Variants in ATAD3B observed in about 807,000 individuals in gnomAD.
ATAD3B encodes the protein ATPase family AAA domain-containing protein 3B.
In ATAD3B, 59 loss-of-function variants were observed where a neutral mutation model predicts 70.2. The ratio of observed to expected loss-of-function variants is 0.84; its 90% confidence interval spans 0.68 to 1.04. The LOEUF (loss-of-function observed/expected upper bound fraction) is 1.04, where lower values mean the gene tolerates loss of function less well. Among genes scored for constraint, ATAD3B ranks in the 50% least tolerant of loss-of-function variants. ATAD3B has a pLI of 0.00. For missense variants in ATAD3B, 961 were observed against 913.4 expected (o/e 1.05, Z -0.67); for synonymous variants, 423 against 388.6 (o/e 1.09, Z -1.04).
Position 1,485,140 on chromosome 1 carries a change from C to T in ATAD3B, c.875C>T (p.Thr292Met), listed in dbSNP as rs147823512. The change falls in exon 8 of 16, where the codon ACG becomes ATG. Residue 292 changes from threonine (T) to methionine (M), a missense_variant. Around this residue, in one of 4 missense-constraint regions of ATAD3B, gnomAD observed 349 missense variants for 307.5 expected, o/e 1.14. Coordinates refer to ENST00000673477, the MANE Select transcript of ATAD3B (RefSeq NM_031921.6). ...CTAGTGAGGGAGACGTCCCGCATCA[C>T]GGTGCTGGAGGCGCTGCGGCACCCC... ...PSLVRETSRI[T>M]VLEALRHPIQ... is the part of the protein sequence containing the mutation. 1.5e-4 allele frequency: 243 copies of T among 1,610,500 alleles called. 1 individual carries two copies. In the African/African-American group the frequency reaches 2.7e-3, roughly 18 times the overall value.
intron 8 of ATAD3B, 100 bp from the exon 9 acceptor site, chr1:1,485,682 C>T (rs1640169412): frequency 6.5e-7 from 1 of 1,538,790 alleles, no homozygotes; most frequent in Non-Finnish European, 8.8e-7. Flanking sequence ...TGCTTTGGGG[C>T]AGCTCCGTTT....
chr1:1,490,604 C>A lies in ATAD3B; in HGVS notation c.1547C>A (p.Ser516Ter). ...CAGTTTGACTACGGGAGGAAGTGCT[C>A]GGAGGTCGCTCGGCTGACGGAGGGC... ...LAQFDYGRKC[S>*]EVARLTEGMS... The change falls in exon 15 of 16, where the codon TCG (serine) becomes TAG (stop). Residue 516 changes from serine (S) to a stop codon, truncating the protein, a stop_gained. Transcript: ENST00000673477. LOFTEE classifies it high-confidence loss of function. 2 of 1,608,828 alleles carry A rather than the reference C, an allele frequency of 1.2e-6. 1 individual carries two copies. The highest frequency in any genetic ancestry group is 1.7e-6 in the Non-Finnish European group (2 of 1,178,210).
At chr1:1,509,223 G>A in the ATAD3B span, 453 of 1,612,608 alleles carry the variant, frequency 2.8e-4, 6 homozygotes, top group African/African-American at 2.8e-3. Flanking sequence ...GTATGCCTCC[G>A]AGGACGGGGT....
chr1:1,486,684 A>G lies in ATAD3B; in HGVS notation c.1214+16A>G, dbSNP rs1170600500. On this transcript the variant is annotated intron_variant, in intron 11 of 15. Transcript: ENST00000673477. Reference sequence around the variant, plus strand: ...GCCGGCGCGGGTGAGACGTCCCCACAGCATGCACCAGGCCCTTGGCTGCGG... The same window carrying G: ...GCCGGCGCGGGTGAGACGTCCCCACGGCATGCACCAGGCCCTTGGCTGCGG... 1 of 1,582,116 alleles carries G rather than the reference A, an allele frequency of 6.3e-7. No homozygotes were observed. Among genetic ancestry groups the G allele is most frequent in the East Asian group, 2.2e-5 (1 of 44,452 alleles).
intron 6 of ATAD3B, 24 bp downstream of exon 6, chr1:1,482,327 C>A (rs755091306): frequency 6.4e-7 from 1 of 1,553,236 alleles, no homozygotes; most frequent in Non-Finnish European, 8.7e-7. Context: ...AGGCCCGGGC[C>A]GGCCACAGAT....
the ATAD3B span, among the ~76,000 whole-genome samples, chr1:1,508,271 C>T: frequency 1.3e-5 from 2 of 151,422 alleles, no homozygotes; most frequent in Non-Finnish European, 2.9e-5. Flanking sequence ...GTCAGTGTCT[C>T]CCCACACAGT....
the ATAD3B span, chr1:1,503,255 T>C: frequency 2.4e-5 from 6 of 249,594 alleles, no homozygotes; most frequent in Non-Finnish European, 3.2e-5. Context: ...AGCATATGTA[T>C]CATGATAAAA....
intron 15 of ATAD3B, 137 bp from the exon 16 acceptor site, chr1:1,495,348 G>A (rs2100604719): frequency 8.2e-7 from 1 of 1,225,846 alleles, no homozygotes; most frequent in Non-Finnish European, 1.1e-6. Context: ...CTCTGCCAAG[G>A]TGTGGGAAGC....
chr1:1,477,779 C>T (rs1214489219), intron 2 of ATAD3B, among the ~76,000 whole-genome samples: 1 of 151,736 alleles, frequency 6.6e-6, no homozygotes, highest in East Asian at 1.9e-4. Flanking sequence ...AATCTCGGCT[C>T]ACTGCAACCT....
the ATAD3B span, among the ~76,000 whole-genome samples, chr1:1,504,209 C>T: frequency 1.3e-5 from 2 of 151,818 alleles, no homozygotes; most frequent in Non-Finnish European, 2.9e-5. Context: ...TGGTCTTGAA[C>T]TCCTGACCTC....
In ATAD3B at chr1:1,479,460, C is replaced by CCA. The variant is rs1038801715; in HGVS notation, c.444+364_444+365dup. On this transcript the variant is annotated intron_variant, in intron 4 of 15. Coordinates refer to ENST00000673477, the MANE Select transcript of ATAD3B (RefSeq NM_031921.6). The stretch of plus-strand genomic sequence containing the variant: ...CCTGCACACATGGGGAAACATGGGC[C>CCA]CACACACACACACCCCTGTGCGCAC... Among the ~76,000 whole-genome samples, 2 of 140,226 alleles carry CCA rather than the reference C, an allele frequency of 1.4e-5. 1 individual carries two copies. The highest frequency in any genetic ancestry group is 1.5e-4 in the Admixed American group (2 of 13,788). 92.0% of individuals were successfully genotyped at this position (140,226 alleles called of 152,430 possible).
chr1:1,481,764 C>T (rs1639914318), intron 5 of ATAD3B, among the ~76,000 whole-genome samples: 1 of 151,480 alleles, frequency 6.6e-6, no homozygotes, highest in African/African-American at 2.4e-5. Flanking sequence ...GCCTCTGGGT[C>T]GGATTTCTGC....
the ATAD3B span, among the ~76,000 whole-genome samples, chr1:1,503,838 G>C: frequency 2.0e-5 from 3 of 152,124 alleles, no homozygotes; most frequent in Non-Finnish European, 2.9e-5. Context: ...GTGAGAGACA[G>C]TGCCGCAGAG....
At chr1:1,495,205 G>A (rs4012770) in intron 15 of ATAD3B, among the ~76,000 whole-genome samples, 24,855 of 151,876 alleles carry the variant, frequency 0.16, 4,496 homozygotes, top group East Asian at 0.46. Context: ...AAGCTGCCCT[G>A]GGTCAGCCGT....
chr1:1,473,134 CTTTTTTTTTTTT>C (rs569834397), intron 1 of ATAD3B, among the ~76,000 whole-genome samples: 2 of 84,374 alleles, frequency 2.4e-5, no homozygotes, highest in African/African-American at 6.0e-5. Context: ...GAAGGGATTC[CTTTTTTTTTTTT>C]TTTTTTTTTT....
the ATAD3B span, among the ~76,000 whole-genome samples, chr1:1,506,850 C>G: frequency 2.0e-5 from 3 of 148,870 alleles, no homozygotes; most frequent in Admixed American, 6.7e-5. Flanking sequence ...TGCAGTGGCA[C>G]AATCTCGGCT....
At position 1,472,051 on chromosome 1, in the gene ATAD3B, A is replaced by G. The variant is rs1639350957; in HGVS notation, c.167A>G (p.Glu56Gly). ...AGCAACTTCGACCCCACCGGCCTGG[A>G]GCGCGCCGCCAAGGCGGCGCGCGAG... is the stretch of plus-strand genomic sequence containing the variant. The part of the protein sequence containing the change: ...KWSNFDPTGL[E>G]RAAKAARELE... Residue 56 changes from glutamate (E) to glycine (G), a missense_variant, in exon 1 of 16, where the codon GAG becomes GGG. Physicochemically the swap from Glu to Gly is moderately conservative, Grantham distance 98 (BLOSUM62 -2). Around this residue, in one of 4 missense-constraint regions of ATAD3B, gnomAD observed 187 missense variants for 244.3 expected, o/e 0.77. Coordinates refer to ENST00000673477, the MANE Select transcript of ATAD3B (RefSeq NM_031921.6). 6.6e-6 allele frequency: 8 copies of G among 1,210,756 alleles called. No individual in the cohort carries two copies. In the South Asian group the frequency reaches 2.8e-4, roughly 43 times the overall value. 75.0% of individuals were successfully genotyped at this position (1,210,756 alleles called of 1,614,324 possible). A position where few individuals can be genotyped will look rare whatever the true frequency, so the allele number is the denominator to read the frequency against.
At chr1:1,485,244 A>C (rs1396344036) in intron 8 of ATAD3B, 73 bp downstream of exon 8, 5 of 1,575,754 alleles carry the variant, frequency 3.2e-6, no homozygotes, top group Non-Finnish European at 4.3e-6. Flanking sequence ...AGCACAGCCC[A>C]CGCACACCCT....
At chr1:1,489,404 C>T in intron 13 of ATAD3B, 130 bp downstream of exon 13, 4 of 1,491,164 alleles carry the variant, frequency 2.7e-6, no homozygotes, top group Non-Finnish European at 3.7e-6. Flanking sequence ...CCTCAGATGT[C>T]CCCTGGGAAC....
Sources: allele counts gnomAD v4.1 joint callset (sites outside exome capture counted in the v4.1 genomes callset), GRCh38; gene constraint gnomAD v4.1.1; regional missense constraint gnomAD v4.1.1; transcripts MANE v1.5; gene names NCBI Gene and HGNC (gene_info 2026-07-23, HGNC 2026-07-21).